Variants in RNF213 observed in about 807,000 individuals in gnomAD.
RNF213 encodes the protein ring finger protein 213.
A neutral mutation model predicts 514.4 loss-of-function variants in RNF213; 341 were observed. The observed-to-expected ratio is 0.66, with a 90% CI of 0.61 to 0.73. RNF213 has a LOEUF of 0.73. Among genes scored for constraint, RNF213 ranks in the 30% least tolerant of loss-of-function variants. RNF213 has a pLI of 0.00. For synonymous variants in RNF213, 2,655 were observed against 2,658.2 expected, an observed-to-expected ratio of 1.00 and a Z score of 0.04; for missense variants, 5,767 against 6,615.6, an observed-to-expected ratio of 0.87 and a Z score of 4.45.
At position 80,264,027 on chromosome 17, in the gene RNF213, T is replaced by C. The variant is rs1031426059; in HGVS notation, c.97+249T>C. On this transcript the variant is annotated intron_variant, in intron 2 of 67. Transcript: ENST00000582970. This position sits in a 1 kb window ranked among gnomAD's most constrained non-coding sequence, Gnocchi z 5.0. ...GACCACCACCCAGTGCTTCCGTCCCTCGTTCAGGCCCGGCCTGAGTGAGCC... is the reference window on the plus strand; with the variant it reads ...GACCACCACCCAGTGCTTCCGTCCCCCGTTCAGGCCCGGCCTGAGTGAGCC... Among the ~76,000 whole-genome samples the C allele has an allele frequency of 6.6e-6, 1 of 152,076 alleles. No individual in the cohort carries two copies. The highest frequency in any genetic ancestry group is 2.4e-5 in the African/African-American group (1 of 41,422).
In RNF213 at chr17:80,385,698, G is replaced by A. The variant is rs532482339; in HGVS notation, c.14539+77G>A. The A allele has an allele frequency of 2.7e-4, 333 of 1,256,286 alleles. 3 individuals carry two copies. In the South Asian group the frequency reaches 3.5e-3, roughly 13 times the overall value. The allele number at this position is 1,256,286 out of a possible 1,614,324, so 77.8% of individuals were successfully genotyped here. On this transcript the variant is annotated intron_variant, in intron 61 of 67. Coordinates refer to ENST00000582970, the MANE Select transcript of RNF213 (RefSeq NM_001256071.3). ...AAAGCTCTTCTCGTCAGCCTGACTCGGCCCATCCCTGTCAACACCCAGCAC... is the reference window on the plus strand; with the variant it reads ...AAAGCTCTTCTCGTCAGCCTGACTCAGCCCATCCCTGTCAACACCCAGCAC...
chr17:80,372,986 GAGA>G lies in RNF213; in HGVS notation c.12766_12768del (p.Lys4256del), dbSNP rs1224629249. ...CGTTGGCCTCTCAGAGATGGCCAAGGAGAAGCAGTGCTACCTGCAGCAAGTCAA... is the reference window on the plus strand; with the variant it reads ...CGTTGGCCTCTCAGAGATGGCCAAGGAGCAGTGCTACCTGCAGCAAGTCAA... On this transcript the variant is annotated inframe_deletion, in exon 49 of 68. Transcript: ENST00000582970. 16 of 1,613,694 alleles carry G rather than the reference GAGA, an allele frequency of 9.9e-6. No individual in the cohort carries two copies. Among genetic ancestry groups the G allele is most frequent in the Admixed American group, 6.7e-5 (4 of 59,960 alleles).
In RNF213 at chr17:80,386,795, G is replaced by A. The variant is rs773954576; in HGVS notation, c.14826G>A (p.Glu4942=). The A allele has an allele frequency of 2.5e-6, 4 of 1,614,250 alleles. No individual in the cohort carries two copies. Among genetic ancestry groups the A allele is most frequent in the Non-Finnish European group, 3.4e-6 (4 of 1,180,038 alleles). The change falls in exon 63 of 68, where the codon GAG becomes GAA. Residue 4942 remains glutamate (E), a synonymous_variant. Transcript: ENST00000582970. The part of the protein sequence containing the change: ...LILSNCQYQV[E]EGRETVQEFD... ...TCTCCAACTGCCAGTACCAGGTGGA[G>A]GAGGGCAGAGAGACCGTGCAGGAGT...
In RNF213 at chr17:80,317,059, G is replaced by C; in HGVS notation, c.2812-129G>C. 4.0e-6 allele frequency: 4 copies of C among 1,002,082 alleles called. No homozygotes were observed. Among genetic ancestry groups the C allele is most frequent in the Non-Finnish European group, 6.2e-6 (4 of 649,222 alleles). The allele number at this position is 1,002,082 out of a possible 1,614,324, so 62.1% of individuals were successfully genotyped here. ...TGGCTGACTGTTGATGAAGGTTGGG[G>C]AGAGCCCTGGTGTTCGCGGAGTCCC... On this transcript the variant is annotated intron_variant, in intron 15 of 67. Transcript: ENST00000582970. This position sits in a 1 kb window ranked among gnomAD's most constrained non-coding sequence, Gnocchi z 4.1.
chr17:80,389,267 T>G lies in RNF213; in HGVS notation c.15095T>G (p.Leu5032Arg). The G allele has an allele frequency of 6.2e-7, 1 of 1,614,214 alleles. No homozygotes were observed. The highest frequency in any genetic ancestry group is 8.5e-7 in the Non-Finnish European group (1 of 1,180,006). ...CEVLSVVEVT[L>R]GFLSTAGGDP... ...GTGCTGTCTGTCGTAGAAGTCACTC[T>G]GGGGTTTCTGAGCACAGCTGGTGGG... Residue 5032 changes from leucine to arginine, a missense_variant, in exon 65 of 68, where the codon CTG becomes CGG. By Grantham distance (102) the Leu-to-Arg change is moderately radical. Around this residue, in one of 13 missense-constraint regions of RNF213, gnomAD observed 1,245 missense variants for 1,339.0 expected, o/e 0.93. Transcript: ENST00000582970.
At chr17:80,358,504 G>T (rs1196038606) in intron 37 of RNF213, 25 bp downstream of exon 37, 3 of 1,591,648 alleles carry the variant, frequency 1.9e-6, no homozygotes, top group East Asian at 2.2e-5. Context: ...TTCTTTCCCT[G>T]GGGAGAGAAA....
intron 55 of RNF213, chr17:80,379,946 CT>C: frequency 1.8e-6 from 1 of 563,528 alleles, no homozygotes; most frequent in Non-Finnish European, 3.2e-6. Context: ...CCTTTAACAG[CT>C]GTTAATATGA....
chr17:80,349,706 T>C (rs920458972), intron 29 of RNF213, 64 bp from the exon 30 acceptor site: 6 of 1,568,424 alleles, frequency 3.8e-6, no homozygotes, highest in Non-Finnish European at 5.3e-6. Flanking sequence ...TGTCTAAACC[T>C]GGCAGCAGAC....
At chr17:80,372,095 C>T (rs187973453) in intron 47 of RNF213, 110 bp downstream of exon 47, 22 of 736,244 alleles carry the variant, frequency 3.0e-5, no homozygotes, top group East Asian at 1.1e-4. Context: ...TGCTCTGTTC[C>T]GTGCAGAAAA....
intron 67 of RNF213, among the ~76,000 whole-genome samples, chr17:80,391,740 T>G (rs1204759996): frequency 2.0e-5 from 3 of 146,798 alleles, no homozygotes; most frequent in African/African-American, 7.5e-5. Context: ...ATCTTCCTTA[T>G]CCCAGGATTA....
intron 63 of RNF213, among the ~76,000 whole-genome samples, chr17:80,388,216 T>C (rs1369752876): frequency 6.6e-6 from 1 of 152,228 alleles, no homozygotes; most frequent in African/African-American, 2.4e-5. Flanking sequence ...TGCCCGTCTC[T>C]GCCTCCCAAA....
At chr17:80,295,300 G>T (rs1303921391) in intron 9 of RNF213, among the ~76,000 whole-genome samples, 6 of 152,200 alleles carry the variant, frequency 3.9e-5, no homozygotes, top group Non-Finnish European at 8.8e-5. Flanking sequence ...CCACACTGCG[G>T]TGCAGCCTGG....
chr17:80,268,978 A>G (rs751699364), intron 2 of RNF213, among the ~76,000 whole-genome samples: 12 of 152,202 alleles, frequency 7.9e-5, no homozygotes, highest in Non-Finnish European at 1.3e-4. Flanking sequence ...AAGACCCGAG[A>G]TCCCCCTGGC....
intron 25 of RNF213, among the ~76,000 whole-genome samples, chr17:80,338,726 A>G (rs890722046): frequency 4.6e-5 from 7 of 152,072 alleles, no homozygotes; most frequent in Admixed American, 3.9e-4. Flanking sequence ...AGGCGGGCCT[A>G]TCACTTGAGG....
chr17:80,359,913 C>G, intron 37 of RNF213, 148 bp from the exon 38 acceptor site: 1 of 755,336 alleles, frequency 1.3e-6, no homozygotes. Flanking sequence ...AAACCCTGTA[C>G]TGTGAAACAG....
At chr17:80,372,795 G>T in intron 48 of RNF213, 61 bp downstream of exon 48, 1 of 1,533,192 alleles carries the variant, frequency 6.5e-7, no homozygotes. Flanking sequence ...AGAAATTCAG[G>T]AAGTATGGGA....
chr17:80,358,858 G>A (rs1387585323), intron 37 of RNF213, among the ~76,000 whole-genome samples: 2 of 152,090 alleles, frequency 1.3e-5, no homozygotes, highest in African/African-American at 4.8e-5. Context: ...GCAGTGAGCC[G>A]AGATGGCGCC....
In RNF213 at chr17:80,267,874, C is replaced by T. The variant is rs565704587; in HGVS notation, c.97+4096C>T. 3.3e-5 allele frequency among the ~76,000 whole-genome samples: 5 copies of T among 150,638 alleles called. No individual in the cohort carries two copies. The South Asian group carries it at 1.0e-3, about 31-fold the overall frequency. ...TTGGTCTGTCTCCCAGGCTGGAGTG[C>T]AGTGGCTGGTCCTCAGCTCACTGCA... On this transcript the variant is annotated intron_variant, in intron 2 of 67. Transcript: ENST00000582970.
intron 15 of RNF213, chr17:80,315,753 GGTGA>G (rs2143773781): frequency 4.7e-5 from 4 of 84,918 alleles, no homozygotes; most frequent in South Asian, 3.7e-4. Flanking sequence ...TGGTGGTGGA[GGTGA>G]CAGTGGTGAT....
Sources: gnomAD v4.1 joint callset for allele counts (sites outside exome capture counted in the v4.1 genomes callset) on GRCh38, gnomAD v4.1.1 for gene constraint, gnomAD v4.1.1 regional missense constraint, Gnocchi (gnomAD v3.1) non-coding constraint, MANE v1.5 for transcripts, NCBI Gene and HGNC (gene_info 2026-07-23, HGNC 2026-07-21) for gene names.